The following SKAP2 variants were observed in gnomAD, a reference collection of about 807,000 sequenced individuals.
SKAP2 encodes src kinase associated phosphoprotein 2.
SKAP2 carries 28 observed loss-of-function variants against 54.9 expected under a neutral mutation model. The ratio of observed to expected loss-of-function variants is 0.51; its 90% confidence interval spans 0.38 to 0.70. The LOEUF (loss-of-function observed/expected upper bound fraction) is 0.70. Ranked by LOEUF, SKAP2 falls within the 30% of genes least tolerant of loss-of-function variation. The pLI is 0.00. For synonymous variants in SKAP2, 137 were observed against 134.3 expected (o/e 1.02, Z -0.14); for missense variants, 356 against 424.1 (o/e 0.84, Z 1.41).
intron 4 of SKAP2, among the ~76,000 whole-genome samples, chr7:26,773,246 C>T (rs1783227741): frequency 6.6e-6 from 1 of 152,138 alleles, no homozygotes; most frequent in Non-Finnish European, 1.5e-5. Flanking sequence ...AATGAGATGC[C>T]ATTTTACATT....
chr7:26,693,542 G>C (rs887223788), intron 9 of SKAP2, among the ~76,000 whole-genome samples: 2 of 152,046 alleles, frequency 1.3e-5, no homozygotes, highest in Non-Finnish European at 2.9e-5. Context: ...GTATATTGGT[G>C]TCAGAGAGCT....
chr7:26,684,580 T>C (rs1786586259), intron 11 of SKAP2, among the ~76,000 whole-genome samples, 156 bp downstream of exon 11: 1 of 152,204 alleles, frequency 6.6e-6, no homozygotes, highest in Non-Finnish European at 1.5e-5. Flanking sequence ...TACATTTCAC[T>C]TGACAAAATA....
At chr7:26,673,673 G>T (rs958496938) in intron 11 of SKAP2, among the ~76,000 whole-genome samples, 5 of 152,036 alleles carry the variant, frequency 3.3e-5, no homozygotes, top group African/African-American at 1.2e-4. Context: ...AGCCAAACTT[G>T]CCCAGTAATC....
chr7:26,758,205 T>G (rs576471716), intron 4 of SKAP2, among the ~76,000 whole-genome samples: 2 of 150,120 alleles, frequency 1.3e-5, no homozygotes, highest in African/African-American at 4.9e-5. Context: ...GTAGGGAATT[T>G]TTTTTTTCCT....
At chr7:26,707,736 C>T (rs1787195805) in intron 9 of SKAP2, among the ~76,000 whole-genome samples, 1 of 152,084 alleles carries the variant, frequency 6.6e-6, no homozygotes, top group Non-Finnish European at 1.5e-5. Flanking sequence ...ATGAGACCCC[C>T]AACAGCCCAG....
intron 4 of SKAP2, among the ~76,000 whole-genome samples, chr7:26,775,584 T>C (rs1032237703): frequency 2.0e-5 from 3 of 150,926 alleles, no homozygotes; most frequent in African/African-American, 4.9e-5. Context: ...CTATGGAATC[T>C]CATCACCTGT....
intron 10 of SKAP2, 108 bp downstream of exon 10, chr7:26,690,177 C>T: frequency 2.5e-6 from 2 of 796,748 alleles, no homozygotes; most frequent in Non-Finnish European, 2.1e-6. Flanking sequence ...GCCAAAAATG[C>T]CAACTTTGGG....
chr7:26,749,685 ATGATAG>A (rs1230044598), intron 4 of SKAP2, among the ~76,000 whole-genome samples: 1 of 151,462 alleles, frequency 6.6e-6, no homozygotes, highest in East Asian at 1.9e-4. Context: ...AAGGCTGCAT[ATGATAG>A]TGCCACTGCA....
intron 4 of SKAP2, among the ~76,000 whole-genome samples, chr7:26,759,133 G>C (rs897479257): frequency 1.3e-5 from 2 of 152,096 alleles, no homozygotes; most frequent in Non-Finnish European, 2.9e-5. Context: ...AATTCCACCT[G>C]GGGAAATGAA....
chr7:26,729,855 C>T (rs1787785689), intron 6 of SKAP2, among the ~76,000 whole-genome samples: 1 of 152,126 alleles, frequency 6.6e-6, no homozygotes, highest in South Asian at 2.1e-4. Flanking sequence ...TTCATTCCAT[C>T]AAAGAAAGAC....
chr7:26,688,635 A>G (rs1455337325), intron 10 of SKAP2, among the ~76,000 whole-genome samples: 1 of 152,214 alleles, frequency 6.6e-6, no homozygotes, highest in Non-Finnish European at 1.5e-5. Flanking sequence ...GTCACTAAAG[A>G]TAAGAATTAT....
At chr7:26,691,081 T>C (rs1354764852) in intron 9 of SKAP2, among the ~76,000 whole-genome samples, 2 of 152,180 alleles carry the variant, frequency 1.3e-5, no homozygotes, top group Non-Finnish European at 2.9e-5. Context: ...AGTTTATCTT[T>C]AGAGACTCAA....
Position 26,864,549 on chromosome 7 carries a change from G to A in SKAP2, c.-120C>T, listed in dbSNP as rs899972166. 21 of 1,449,948 alleles carry A rather than the reference G, an allele frequency of 1.4e-5. No individual in the cohort carries two copies. Among genetic ancestry groups the A allele is most frequent in the African/African-American group, 8.7e-5 (6 of 69,006 alleles). 89.8% of individuals were successfully genotyped at this position (1,449,948 alleles called of 1,614,324 possible). A position where few individuals can be genotyped will look rare whatever the true frequency, so the allele number is the denominator to read the frequency against. ...CCCGGATTAAGAACAGCGGGGCTACGAGTCGGGACACTGCCGGGCCGGGGC... is the reference window on the plus strand; with the variant it reads ...CCCGGATTAAGAACAGCGGGGCTACAAGTCGGGACACTGCCGGGCCGGGGC... On this transcript the variant is annotated 5_prime_UTR_variant, in exon 1 of 13. Transcript: ENST00000345317.
intron 4 of SKAP2, among the ~76,000 whole-genome samples, chr7:26,748,093 C>A (rs1226822685): frequency 6.6e-6 from 1 of 152,090 alleles, no homozygotes; most frequent in East Asian, 1.9e-4. Flanking sequence ...AAGTATACGA[C>A]CAGAAACTGA....
intron 9 of SKAP2, among the ~76,000 whole-genome samples, chr7:26,712,126 T>C (rs1270277932): frequency 6.6e-6 from 1 of 152,194 alleles, no homozygotes; most frequent in Non-Finnish European, 1.5e-5. Flanking sequence ...TCTGAAATGC[T>C]TGGGACTAGA....
At chr7:26,686,656 C>T (rs1326312375) in intron 10 of SKAP2, among the ~76,000 whole-genome samples, 2 of 152,124 alleles carry the variant, frequency 1.3e-5, no homozygotes, top group African/African-American at 4.8e-5. Context: ...CTTATTTAGA[C>T]AAATAGAGAT....
At chr7:26,697,733 A>G (rs951195171) in intron 9 of SKAP2, among the ~76,000 whole-genome samples, 5 of 152,114 alleles carry the variant, frequency 3.3e-5, no homozygotes, top group African/African-American at 4.8e-5. Context: ...GAAAATAGAG[A>G]TAAGCAAAAT....
chr7:26,702,895 G>A (rs904346737), intron 9 of SKAP2, among the ~76,000 whole-genome samples: 2 of 152,102 alleles, frequency 1.3e-5, no homozygotes, highest in South Asian at 2.1e-4. Context: ...TCAACATCTC[G>A]GCATACCACC....
intron 9 of SKAP2, among the ~76,000 whole-genome samples, chr7:26,692,903 T>C (rs1273568336): frequency 2.6e-5 from 4 of 152,184 alleles, no homozygotes; most frequent in Non-Finnish European, 5.9e-5. Context: ...TTTCTTTCCA[T>C]AGCACCCACT....
Sources: gnomAD v4.1 joint callset for allele counts (sites outside exome capture counted in the v4.1 genomes callset) on GRCh38, gnomAD v4.1.1 for gene constraint, MANE v1.5 for transcripts, NCBI Gene and HGNC (gene_info 2026-07-23, HGNC 2026-07-21) for gene names.